The following LRCH3 variants were observed in gnomAD, a reference collection of about 807,000 sequenced individuals.
LRCH3 encodes the protein DISP complex protein LRCH3.
LRCH3 carries 68 observed loss-of-function variants against 104.5 expected under a neutral mutation model. That is an observed-to-expected ratio of 0.65 (90% confidence interval 0.54 to 0.80). LRCH3 has a LOEUF of 0.80. Among genes scored for constraint, LRCH3 ranks in the 30% least tolerant of loss-of-function variants. The pLI, the probability that LRCH3 is intolerant of heterozygous loss-of-function variation, is 0.00. For synonymous variants in LRCH3, 344 were observed against 361.3 expected (o/e 0.95, Z 0.54); for missense variants, 951 against 953.9 (o/e 1.00, Z 0.04).
At position 197,854,754 on chromosome 3, in the gene LRCH3, T is replaced by TA. The variant is rs1740035977; in HGVS notation, c.1644+310dup. On this transcript the variant is annotated intron_variant, in intron 14 of 20. Transcript: ENST00000425562. This position sits in a 1 kb window ranked among gnomAD's most constrained non-coding sequence, Gnocchi z 4.5. ...AAATGTGTCTAATTCCAGGAGCACT[T>TA]ACTTTATTAATCATTAATTTGGCTC... Among the ~76,000 whole-genome samples the TA allele has an allele frequency of 6.6e-6, 1 of 152,206 alleles. No homozygotes were observed. Among genetic ancestry groups the TA allele is most frequent in the Non-Finnish European group, 1.5e-5 (1 of 68,020 alleles).
At position 197,884,696 on chromosome 3, in the gene LRCH3, T is replaced by TA. The variant is rs1714064500; in HGVS notation, c.*1034dup. On this transcript the variant is annotated 3_prime_UTR_variant, in exon 21 of 21. Coordinates refer to ENST00000425562, the MANE Select transcript of LRCH3 (RefSeq NM_001365715.1). The stretch of plus-strand genomic sequence containing the variant: ...GCCCCCTGCATTTTTCACCCACATT[T>TA]AAAATCAAAAGCTATATTATGAGGA... 6.6e-6 allele frequency: 1 copy of TA among 152,254 alleles called. No individual in the cohort carries two copies. Among genetic ancestry groups the TA allele is most frequent in the African/African-American group, 2.4e-5 (1 of 41,474 alleles). The allele number at this position is 152,254 out of a possible 1,614,324, so 9.4% of individuals were successfully genotyped here. A position where few individuals can be genotyped will look rare whatever the true frequency, so the allele number is the denominator to read the frequency against.
intron 15 of LRCH3, among the ~76,000 whole-genome samples, chr3:197,864,791 C>T (rs535133305): frequency 1.4e-5 from 2 of 147,568 alleles, no homozygotes. Flanking sequence ...GAGGCTGAGG[C>T]GGGTGCATCG....
chr3:197,839,996 C>T (rs1324306618), intron 10 of LRCH3, among the ~76,000 whole-genome samples: 1 of 151,012 alleles, frequency 6.6e-6, no homozygotes, highest in Non-Finnish European at 1.5e-5. Flanking sequence ...ATACAAAATA[C>T]AAAAAACGAA....
chr3:197,876,880 A>G (rs1580905088), intron 20 of LRCH3, among the ~76,000 whole-genome samples: 1 of 131,186 alleles, frequency 7.6e-6, no homozygotes, highest in South Asian at 2.7e-4. Flanking sequence ...CACCCATGAC[A>G]GTGATTCTCT....
chr3:197,838,028 C>T (rs1048759599), intron 9 of LRCH3, among the ~76,000 whole-genome samples: 1 of 151,836 alleles, frequency 6.6e-6, no homozygotes, highest in South Asian at 2.1e-4. Flanking sequence ...CTACTGCACT[C>T]CAGCCTAGGT....
intron 10 of LRCH3, among the ~76,000 whole-genome samples, chr3:197,841,954 G>T (rs900754775): frequency 4.6e-5 from 7 of 152,088 alleles, no homozygotes; most frequent in Middle Eastern, 3.4e-3. Flanking sequence ...CACCTCAGCC[G>T]CTGGAGTAGC....
chr3:197,829,963 G>C (rs545724308), intron 6 of LRCH3, among the ~76,000 whole-genome samples: 1 of 152,356 alleles, frequency 6.6e-6, no homozygotes, highest in South Asian at 2.1e-4. Flanking sequence ...CTGCCCATTA[G>C]ATAGATGCCA....
chr3:197,859,464 C>G (rs1441635245), intron 15 of LRCH3: 1 of 152,142 alleles, frequency 6.6e-6, no homozygotes, highest in Non-Finnish European at 1.5e-5. Flanking sequence ...CAGTCTGGCC[C>G]TATAAGAAAA....
In LRCH3 at chr3:197,817,274, T is replaced by C. The variant is rs752398902; in HGVS notation, c.506T>C (p.Ile169Thr). ...AAATTGGTGTCACTTCCAGAAGAAA[T>C]TGGACACCTTAGACATTTGATGGAA... ...NNKLVSLPEE[I>T]GHLRHLMELD... The change falls in exon 3 of 21, where the codon ATT becomes ACT. Residue 169 changes from isoleucine to threonine, a missense_variant. Coordinates refer to ENST00000425562, the MANE Select transcript of LRCH3 (RefSeq NM_001365715.1). The C allele has an allele frequency of 2.2e-5, 36 of 1,609,846 alleles. No homozygotes were observed. In the Middle Eastern group the frequency reaches 4.9e-4, roughly 22 times the overall value.
intron 4 of LRCH3, among the ~76,000 whole-genome samples, chr3:197,821,558 A>C (rs1354357465): frequency 6.6e-6 from 1 of 152,228 alleles, no homozygotes; most frequent in Non-Finnish European, 1.5e-5. Context: ...ATTAATTTGA[A>C]TCAAATACAG....
At chr3:197,866,290 TG>T in intron 17 of LRCH3, 71 bp downstream of exon 17, 1 of 1,081,176 alleles carries the variant, frequency 9.2e-7, no homozygotes, top group African/African-American at 1.6e-5. Flanking sequence ...GTTAGATGGA[TG>T]CTTTTAAACT....
intron 8 of LRCH3, among the ~76,000 whole-genome samples, chr3:197,834,121 T>TGCCGATCCACTCCTTA (rs1736361174): frequency 6.6e-6 from 1 of 152,208 alleles, no homozygotes; most frequent in African/African-American, 2.4e-5. Flanking sequence ...AGGCAGCCTG[T>TGCCGATCCACTCCTTA]AGAACGTCAT....
At chr3:197,832,338 A>G (rs757703476) in intron 8 of LRCH3, 21 bp downstream of exon 8, 1 of 1,608,806 alleles carries the variant, frequency 6.2e-7, no homozygotes, top group Non-Finnish European at 8.5e-7. Context: ...TTCCGGTGAC[A>G]GCTAAAGTGT....
At chr3:197,824,803 C>T (rs533771490) in intron 4 of LRCH3, among the ~76,000 whole-genome samples, 3 of 151,874 alleles carry the variant, frequency 2.0e-5, no homozygotes, top group South Asian at 4.2e-4. Context: ...AACTTCTGAC[C>T]TCGTGATTCA....
chr3:197,792,925 TA>T (rs1192798369), intron 1 of LRCH3, among the ~76,000 whole-genome samples: 1 of 152,030 alleles, frequency 6.6e-6, no homozygotes. Flanking sequence ...GTGCTGGGAT[TA>T]CAGGCGTGAG....
At position 197,847,715 on chromosome 3, in the gene LRCH3, C is replaced by T. The variant is rs537710449; in HGVS notation, c.1381-157C>T. ...AATACATATAAGAACCGTGCAAAGACGGGAAAAGATTAGCCAATAAACACA... is the reference window on the plus strand; with the variant it reads ...AATACATATAAGAACCGTGCAAAGATGGGAAAAGATTAGCCAATAAACACA... On this transcript the variant is annotated intron_variant, in intron 11 of 20. Transcript: ENST00000425562. 1.4e-3 allele frequency: 83 copies of T among 57,890 alleles called. No individual in the cohort carries two copies. The East Asian group carries it at 0.053, about 37-fold the overall frequency. The allele number at this position is 57,890 out of a possible 1,614,324, so 3.6% of individuals were successfully genotyped here. A position where few individuals can be genotyped will look rare whatever the true frequency, so the allele number is the denominator to read the frequency against.
chr3:197,837,868 G>A (rs938330220), intron 9 of LRCH3, among the ~76,000 whole-genome samples: 62 of 150,730 alleles, frequency 4.1e-4, no homozygotes, highest in African/African-American at 1.5e-3. Flanking sequence ...CCAACATGAA[G>A]AAACGCTGTC....
intron 15 of LRCH3, among the ~76,000 whole-genome samples, chr3:197,861,304 A>T (rs1274238988): frequency 6.6e-6 from 1 of 152,148 alleles, no homozygotes; most frequent in Non-Finnish European, 1.5e-5. Context: ...CAACACAGAA[A>T]ATTATTTCAG....
chr3:197,804,078 T>C (rs1269668444), intron 1 of LRCH3, among the ~76,000 whole-genome samples: 4 of 152,022 alleles, frequency 2.6e-5, no homozygotes, highest in Admixed American at 1.3e-4. Context: ...ACCAACATGG[T>C]GAAACCCCAT....
Sources: allele counts gnomAD v4.1 joint callset (sites outside exome capture counted in the v4.1 genomes callset), GRCh38; gene constraint gnomAD v4.1.1; non-coding constraint Gnocchi (gnomAD v3.1); transcripts MANE v1.5; gene names NCBI Gene and HGNC (gene_info 2026-07-23, HGNC 2026-07-21).